TMEM114: variants seen among roughly 807,000 people sequenced by gnomAD.
The protein encoded by TMEM114 is transmembrane protein 114, also known as claudin-26.
Under a neutral mutation model 6.2 loss-of-function variants are expected in TMEM114, and 6 were observed. That is an observed-to-expected ratio of 0.97 (90% CI 0.53 to 1.91). The LOEUF is 1.91. Among genes scored for constraint, TMEM114 ranks in the 40% most tolerant of loss-of-function variants. The pLI is 0.01. For missense variants in TMEM114, 218 were observed against 158.3 expected (o/e 1.38, Z -2.02); for synonymous variants, 104 against 73.0 (o/e 1.42, Z -2.16).
intron 2 of TMEM114, among the ~76,000 whole-genome samples, chr16:8,582,900 G>C (rs1030158030): frequency 6.6e-6 from 1 of 151,792 alleles, no homozygotes; most frequent in Non-Finnish European, 1.5e-5. Context: ...CAAGAAAAGA[G>C]AAAGGAAGGG....
intron 2 of TMEM114, among the ~76,000 whole-genome samples, chr16:8,551,819 G>T (rs781566236): frequency 2.0e-5 from 3 of 152,154 alleles, no homozygotes; most frequent in Non-Finnish European, 4.4e-5. Context: ...GGCCATAACT[G>T]TGCAAAACTG....
intron 2 of TMEM114, among the ~76,000 whole-genome samples, chr16:8,580,669 C>G (rs778970822): frequency 6.6e-6 from 1 of 152,038 alleles, no homozygotes; most frequent in African/African-American, 2.4e-5. Context: ...TCAAATTCTA[C>G]AATGCACACT....
chr16:8,564,692 AAT>A (rs1567203922), downstream of TMEM114, among the ~76,000 whole-genome samples: 3 of 148,392 alleles, frequency 2.0e-5, no homozygotes, highest in African/African-American at 7.7e-5. Context: ...TGAGTGAGTG[AAT>A]GAGTGAGTGA....
chr16:8,587,386 C>T (rs2141703843), intron 2 of TMEM114, among the ~76,000 whole-genome samples: 1 of 152,332 alleles, frequency 6.6e-6, no homozygotes. Flanking sequence ...TCCTTGTCCC[C>T]ATGGAGCTTT....
At chr16:8,573,081 A>C (rs1901790334) in intron 2 of TMEM114, among the ~76,000 whole-genome samples, 2 of 152,144 alleles carry the variant, frequency 1.3e-5, no homozygotes, top group Non-Finnish European at 2.9e-5. Flanking sequence ...GTTTTGTTTA[A>C]AGTTTTTGCC....
At chr16:8,537,171 G>A (rs1032089792), downstream of TMEM114, among the ~76,000 whole-genome samples, 1 of 151,888 alleles carries the variant, frequency 6.6e-6, no homozygotes, top group Non-Finnish European at 1.5e-5. Flanking sequence ...CATCACTGCA[G>A]TCCATCCTGG....
intron 2 of TMEM114, among the ~76,000 whole-genome samples, chr16:8,573,482 G>C (rs1409443650): frequency 3.9e-5 from 6 of 152,160 alleles, no homozygotes; most frequent in African/African-American, 1.4e-4. Context: ...GAATGGAGGA[G>C]GAGGAAGTCT....
At chr16:8,545,602 C>T (rs766715019) in intron 2 of TMEM114, among the ~76,000 whole-genome samples, 5 of 152,130 alleles carry the variant, frequency 3.3e-5, no homozygotes, top group Non-Finnish European at 7.3e-5. Context: ...GGGTGTCATT[C>T]CCAGAGTTTC....
chr16:8,529,469 G>C, the TMEM114 span, among the ~76,000 whole-genome samples: 1 of 152,148 alleles, frequency 6.6e-6, no homozygotes, highest in African/African-American at 2.4e-5. Flanking sequence ...ATATCACATG[G>C]AGAAGTGGAC....
chr16:8,555,305 G>T (rs751424342), intron 2 of TMEM114, among the ~76,000 whole-genome samples: 1 of 152,344 alleles, frequency 6.6e-6, no homozygotes, highest in Non-Finnish European at 1.5e-5. Flanking sequence ...AGGTGGCAGG[G>T]TTGCAGCTCC....
chr16:8,531,721 A>T, the TMEM114 span, among the ~76,000 whole-genome samples: 2 of 152,228 alleles, frequency 1.3e-5, no homozygotes, highest in East Asian at 1.9e-4. Context: ...AATTCATGGG[A>T]CACTCAGTTG....
intron 2 of TMEM114, among the ~76,000 whole-genome samples, chr16:8,561,850 GAAT>G (rs1901218851): frequency 6.7e-6 from 1 of 149,698 alleles, no homozygotes; most frequent in Non-Finnish European, 1.5e-5. Context: ...GTGAGTGAAT[GAAT>G]GAGTGAGTGA....
At chr16:8,552,751 C>T (rs1900886105) in intron 2 of TMEM114, among the ~76,000 whole-genome samples, 1 of 151,862 alleles carries the variant, frequency 6.6e-6, no homozygotes, top group South Asian at 2.1e-4. Context: ...GTCCTACCTG[C>T]TCCTGAATTC....
chr16:8,570,054 G>T (rs1318727931), intron 3 of TMEM114, 49 bp from the exon 4 acceptor site: 4 of 1,512,758 alleles, frequency 2.6e-6, no homozygotes, highest in Middle Eastern at 1.9e-4. Context: ...CCCCGCCCCA[G>T]CACTCCCCTC....
At chr16:8,549,093 A>C (rs1375126138) in intron 2 of TMEM114, among the ~76,000 whole-genome samples, 1 of 151,052 alleles carries the variant, frequency 6.6e-6, no homozygotes, top group African/African-American at 2.4e-5. Flanking sequence ...GAGGCAGGAG[A>C]ATGGCGTGAA....
At chr16:8,567,990 C>G (rs953577307), downstream of TMEM114, among the ~76,000 whole-genome samples, 2 of 152,178 alleles carry the variant, frequency 1.3e-5, no homozygotes, top group East Asian at 3.8e-4. Context: ...GTCGCAGCAA[C>G]GTCCTGAAAG....
Position 8,569,647 on chromosome 16 carries a change from GA to G in TMEM114, c.*125del. 6.9e-7 allele frequency: 1 copy of G among 1,439,658 alleles called. No homozygotes were observed. Among genetic ancestry groups the G allele is most frequent in the Non-Finnish European group, 9.1e-7 (1 of 1,101,016 alleles). 89.2% of individuals were successfully genotyped at this position (1,439,658 alleles called of 1,614,324 possible). On this transcript the variant is annotated 3_prime_UTR_variant, in exon 4 of 4. Transcript: ENST00000620492. ...GCTTAGTCCGCGGGGATTTGTGGGG[GA>G]AGGAGGGGGGTGCCTGGCCTCCCCG...
rs180879818 is a variant in TMEM114, at chr16:8,538,222, T to G, written n.213-396A>C. Among the ~76,000 whole-genome samples, 605 of 150,808 alleles carry G rather than the reference T, an allele frequency of 4.0e-3. 1 individual carries two copies. The highest frequency in any genetic ancestry group is 0.021 in the Middle Eastern group (6 of 286). On this transcript the variant is annotated intron_variant and non_coding_transcript_variant, in intron 2 of 2. Coordinates refer to the TMEM114 transcript ENST00000623677. The stretch of plus-strand genomic sequence containing the variant: ...CAGGAGGCTGAAGTAGGAGGATCAC[T>G]GGAGCCTAGAAAACCATGATCCTTC...
intron 2 of TMEM114, among the ~76,000 whole-genome samples, chr16:8,583,708 A>T (rs1902225972): frequency 6.6e-6 from 1 of 151,920 alleles, no homozygotes; most frequent in Non-Finnish European, 1.5e-5. Context: ...TGATTGTGCT[A>T]CTACACTGCA....
Sources: gnomAD v4.1 joint callset for allele counts (sites outside exome capture counted in the v4.1 genomes callset) on GRCh38, gnomAD v4.1.1 for gene constraint, MANE v1.5 for transcripts, NCBI Gene and HGNC (gene_info 2026-07-23, HGNC 2026-07-21) for gene names.